Variants in SRSF11 observed in about 807,000 individuals in gnomAD.
The protein encoded by SRSF11 is serine and arginine rich splicing factor 11.
Under a neutral mutation model 56.0 loss-of-function variants are expected in SRSF11, and 9 were observed. The observed-to-expected ratio is 0.16, with a 90% CI of 0.10 to 0.28. The LOEUF (loss-of-function observed/expected upper bound fraction) is 0.28, where lower values mean the gene tolerates loss of function less well. Ranked by LOEUF, SRSF11 falls within the 10% of genes least tolerant of loss-of-function variation. SRSF11 has a pLI of 1.00. For synonymous variants in SRSF11, 222 were observed against 215.3 expected, an observed-to-expected ratio of 1.03 and a Z score of -0.27; for missense variants, 421 against 600.7, an observed-to-expected ratio of 0.70 and a Z score of 3.13.
At chr1:70,235,668 A>ATGTAT in intron 5 of SRSF11, 118 bp downstream of exon 5, 1 of 938,610 alleles carries the variant, frequency 1.1e-6, no homozygotes, top group South Asian at 1.7e-5. Context: ...GACAAGCAAT[A>ATGTAT]TGTATTGTTA....
intron 1 of SRSF11, among the ~76,000 whole-genome samples, chr1:70,225,511 A>G (rs1157993961): frequency 1.3e-5 from 2 of 152,208 alleles, no homozygotes; most frequent in African/African-American, 4.8e-5. Flanking sequence ...GCACACTATT[A>G]AGGTGGAAAT....
rs545469368 is a variant in SRSF11, at chr1:70,238,858, G to T, written c.719-581G>T. On this transcript the variant is annotated intron_variant, in intron 6 of 11. Transcript: ENST00000370949. ...AACACTTCACAGCCTCTTAAGTCTG[G>T]CAAGTAAAATAGGCAAAGGAACCTT... 4.6e-5 allele frequency among the ~76,000 whole-genome samples: 7 copies of T among 152,252 alleles called. No individual in the cohort carries two copies. The South Asian group carries it at 1.5e-3, about 32-fold the overall frequency.
At chr1:70,220,033 C>G (rs1670376541), upstream of SRSF11, among the ~76,000 whole-genome samples, 1 of 152,236 alleles carries the variant, frequency 6.6e-6, no homozygotes, top group African/African-American at 2.4e-5. Flanking sequence ...GTCTTAAATG[C>G]CATTGTCATT....
intron 1 of SRSF11, among the ~76,000 whole-genome samples, chr1:70,209,188 A>G (rs902166570): frequency 6.6e-6 from 1 of 152,228 alleles, no homozygotes; most frequent in African/African-American, 2.4e-5. Context: ...CAAAGTATAG[A>G]GCAGCTTGTC....
intron 9 of SRSF11, chr1:70,248,340 G>A (rs1422572092): frequency 2.6e-5 from 4 of 152,040 alleles, no homozygotes; most frequent in African/African-American, 9.7e-5. Context: ...ACATGCTACA[G>A]TATGGATGAA....
rs1361468006 is a variant in SRSF11, at chr1:70,208,572, AT to A, written c.-26+2793del. ...AGATTGGTCTCAAACTCCTGGCCTC[AT>A]GTGATCCACCTGCCTCGGCCCCCGA... is the stretch of plus-strand genomic sequence containing the variant. On this transcript the variant is annotated intron_variant, in intron 1 of 12. Coordinates refer to the SRSF11 transcript ENST00000370950. Among the ~76,000 whole-genome samples the A allele has an allele frequency of 3.8e-4, 58 of 152,316 alleles. 1 individual carries two copies. Among genetic ancestry groups the A allele is most frequent in the East Asian group, 1.9e-3 (10 of 5,186 alleles).
Position 70,228,548 on chromosome 1 carries a change from T to C in SRSF11, c.330T>C (p.Tyr110=). The change falls in exon 2 of 12, where the codon TAT becomes TAC. Residue 110 remains tyrosine (Y), a synonymous_variant. Transcript: ENST00000370949. ...FVDRALIVVP[Y]AEGVIPDEAK... ...ACAGAGCTTTGATAGTCGTACCATA[T>C]GCAGAAGGTTTGTGCTTTGTTTAAC... 6.2e-7 allele frequency: 1 copy of C among 1,612,876 alleles called. No homozygotes were observed. Among genetic ancestry groups the C allele is most frequent in the Non-Finnish European group, 8.5e-7 (1 of 1,179,390 alleles).
rs1367270569 is a variant in SRSF11 at position 70,252,042 on chromosome 1, C to T, written c.*1237C>T. On this transcript the variant is annotated 3_prime_UTR_variant, in exon 12 of 12. Coordinates refer to ENST00000370949, the MANE Select transcript of SRSF11 (RefSeq NM_001350605.2). ...AAAACCGTATTTGTATTTATTTACG[C>T]TACTGAATGTATGACATTTACCTCA... 1 of 152,532 alleles carries T rather than the reference C, an allele frequency of 6.6e-6. No individual in the cohort carries two copies. The highest frequency in any genetic ancestry group is 1.5e-5 in the Non-Finnish European group (1 of 67,988). The allele number at this position is 152,532 out of a possible 1,614,324, so 9.4% of individuals were successfully genotyped here.
At chr1:70,230,632 T>C (rs1672669996) in intron 2 of SRSF11, 2 of 1,268,678 alleles carry the variant, frequency 1.6e-6, no homozygotes, top group Middle Eastern at 2.6e-4. Flanking sequence ...AGGGGCCTCA[T>C]TGCTATTTTT....
At chr1:70,235,370 T>C (rs1673737120) in intron 4 of SRSF11, 131 bp from the exon 5 acceptor site, 3 of 716,870 alleles carry the variant, frequency 4.2e-6, no homozygotes, top group Non-Finnish European at 6.8e-6. Flanking sequence ...TTTTTTAATG[T>C]GGCTACTAAA....
chr1:70,235,117 T>C (rs987112765), intron 4 of SRSF11, among the ~76,000 whole-genome samples: 2 of 152,206 alleles, frequency 1.3e-5, no homozygotes, highest in South Asian at 2.1e-4. Flanking sequence ...TATTTTAATT[T>C]AGCTAACCTT....
In SRSF11 at chr1:70,232,774, G is replaced by A. The variant is rs565276797; in HGVS notation, c.447+397G>A. On this transcript the variant is annotated intron_variant, in intron 3 of 11. Coordinates refer to ENST00000370949, the MANE Select transcript of SRSF11 (RefSeq NM_001350605.2). ...CCCCTTTATCTTTTCCTGTTATTTG[G>A]GGGGTTTTGAATTACATAGGTGGCT... Among the ~76,000 whole-genome samples the A allele has an allele frequency of 1.6e-4, 25 of 152,138 alleles. No homozygotes were observed. In the South Asian group the frequency reaches 2.5e-3, roughly 15 times the overall value.
At chr1:70,221,323 T>C (rs1412416257), upstream of SRSF11, 4 of 355,690 alleles carry the variant, frequency 1.1e-5, no homozygotes, top group Non-Finnish European at 2.0e-5. Flanking sequence ...CTGCGCGGGG[T>C]GGAGCCGACG....
chr1:70,224,865 G>T (rs1671428769), intron 1 of SRSF11, among the ~76,000 whole-genome samples: 1 of 152,194 alleles, frequency 6.6e-6, no homozygotes. Context: ...TACTGGAAAT[G>T]CAGCATTGTT....
At chr1:70,214,609 A>G (rs780327552) in intron 1 of SRSF11, among the ~76,000 whole-genome samples, 1 of 152,286 alleles carries the variant, frequency 6.6e-6, no homozygotes. Context: ...GACAATATAT[A>G]TTAAACGATA....
At chr1:70,210,265 C>G (rs1007573344) in intron 1 of SRSF11, among the ~76,000 whole-genome samples, 2 of 152,028 alleles carry the variant, frequency 1.3e-5, no homozygotes, top group Non-Finnish European at 2.9e-5. Context: ...CTGCCTCAAC[C>G]TCCTCCCCAT....
At chr1:70,220,384 A>G (rs1303159307), upstream of SRSF11, among the ~76,000 whole-genome samples, 1 of 152,260 alleles carries the variant, frequency 6.6e-6, no homozygotes, top group East Asian at 1.9e-4. Flanking sequence ...AATAGTTCAG[A>G]TGAGGTTGAA....
chr1:70,208,030 C>G (rs1341711807), intron 1 of SRSF11, among the ~76,000 whole-genome samples: 1 of 151,956 alleles, frequency 6.6e-6, no homozygotes, highest in Non-Finnish European at 1.5e-5. Flanking sequence ...TGGGGCCTTC[C>G]AAAGCACTGG....
intron 1 of SRSF11, among the ~76,000 whole-genome samples, chr1:70,226,271 C>T (rs1453181403): frequency 6.6e-6 from 1 of 151,904 alleles, no homozygotes; most frequent in Non-Finnish European, 1.5e-5. Context: ...TGTTTTAAAC[C>T]CATCTAAAGG....
Sources: gnomAD v4.1 joint callset for allele counts (sites outside exome capture counted in the v4.1 genomes callset) on GRCh38, gnomAD v4.1.1 for gene constraint, MANE v1.5 for transcripts, NCBI Gene and HGNC (gene_info 2026-07-23, HGNC 2026-07-21) for gene names.